Variants in KLHDC4 observed in about 807,000 individuals in gnomAD.
KLHDC4 encodes kelch domain containing 4, also known as kelch domain-containing protein 4.
Under a neutral mutation model 62.4 loss-of-function variants are expected in KLHDC4, and 90 were observed. That is an observed-to-expected ratio of 1.44 (90% CI 1.22 to 1.72). KLHDC4 has a LOEUF of 1.72. Ranked by LOEUF, KLHDC4 falls within the 40% of genes most tolerant of loss-of-function variation. KLHDC4 has a pLI of 0.00. For synonymous variants in KLHDC4, 386 were observed against 284.4 expected (o/e 1.36, Z -3.59); for missense variants, 1,025 against 699.7 (o/e 1.47, Z -5.25).
exon 1 of KLHDC4, chr16:87,700,800 G>A: frequency 4.9e-6 from 1 of 204,940 alleles, no homozygotes; most frequent in Non-Finnish European, 9.3e-6. Context: ...GGAGGGCAGA[G>A]GGGAGGAGGT....
chr16:87,743,793 G>A (rs949860102), intron 5 of KLHDC4, among the ~76,000 whole-genome samples: 1 of 151,870 alleles, frequency 6.6e-6, no homozygotes, highest in African/African-American at 2.4e-5. Flanking sequence ...AACTTCCCAG[G>A]GTGTTTAGAG....
chr16:87,707,045 G>C (rs1332846197), downstream of KLHDC4, among the ~76,000 whole-genome samples: 1 of 152,320 alleles, frequency 6.6e-6, no homozygotes. Context: ...CCCCGTTATA[G>C]AAAACTAAGG....
chr16:87,747,553 G>A (rs1262239494), intron 5 of KLHDC4: 2 of 152,212 alleles, frequency 1.3e-5, no homozygotes, highest in Non-Finnish European at 2.9e-5. Context: ...TGGGAACACA[G>A]TAACCCACCC....
chr16:87,730,494 A>T (rs1032022077), intron 6 of KLHDC4, 58 bp downstream of exon 6: 1 of 1,371,354 alleles, frequency 7.3e-7, no homozygotes, highest in Admixed American at 2.2e-5. Context: ...CTCTTTCTAT[A>T]AAAAGCCCAC....
chr16:87,764,603 G>T (rs1006249658), intron 1 of KLHDC4, among the ~76,000 whole-genome samples: 1 of 124,228 alleles, frequency 8.0e-6, no homozygotes, highest in Non-Finnish European at 1.6e-5. Flanking sequence ...AGCTGAGATC[G>T]CACCATTGCA....
chr16:87,718,230 C>A (rs1198439379), intron 7 of KLHDC4, among the ~76,000 whole-genome samples: 2 of 152,082 alleles, frequency 1.3e-5, no homozygotes, highest in Non-Finnish European at 2.9e-5. Flanking sequence ...TATTAGCATA[C>A]ACCAAACCAG....
exon 1 of KLHDC4, chr16:87,701,170 A>C: frequency 4.7e-6 from 1 of 212,418 alleles, no homozygotes. Context: ...AAAGGGACAG[A>C]ACAAGGGTCC....
chr16:87,749,790 G>C (rs1428042866), intron 4 of KLHDC4, among the ~76,000 whole-genome samples: 2 of 152,060 alleles, frequency 1.3e-5, no homozygotes, highest in African/African-American at 4.8e-5. Flanking sequence ...TGTCCAGGCT[G>C]GTCTCAAACT....
chr16:87,760,916 C>A (rs1165268507), intron 2 of KLHDC4, among the ~76,000 whole-genome samples: 4 of 151,892 alleles, frequency 2.6e-5, no homozygotes, highest in Non-Finnish European at 5.9e-5. Flanking sequence ...GCCTGTAATC[C>A]CAGCTACTTG....
chr16:87,755,154 G>A (rs757408087), intron 4 of KLHDC4, 40 bp downstream of exon 4: 5 of 1,366,372 alleles, frequency 3.7e-6, no homozygotes, highest in Non-Finnish European at 5.2e-6. Context: ...ACTCCCACGT[G>A]GGAAGAGGGA....
chr16:87,713,539 T>C (rs904172586), intron 8 of KLHDC4, among the ~76,000 whole-genome samples: 6 of 152,064 alleles, frequency 3.9e-5, no homozygotes, highest in Admixed American at 1.3e-4. Context: ...AAATTAATGA[T>C]TGAAAAGTAG....
intron 5 of KLHDC4, among the ~76,000 whole-genome samples, chr16:87,739,389 C>G (rs2041892077): frequency 7.2e-6 from 1 of 138,350 alleles, no homozygotes; most frequent in African/African-American, 2.7e-5. Flanking sequence ...CGTCATCCAT[C>G]CACACACCAG....
chr16:87,758,625 A>T (rs1024148030), intron 2 of KLHDC4, among the ~76,000 whole-genome samples: 4 of 152,146 alleles, frequency 2.6e-5, no homozygotes. Context: ...ATGGAAGAAG[A>T]ATTGTCTCGG....
In KLHDC4 at chr16:87,765,856, CG is replaced by C. The variant is rs1321937769; in HGVS notation, c.34del (p.Arg12AlafsTer29). 1 of 1,553,466 alleles carries C rather than the reference CG, an allele frequency of 6.4e-7. No individual in the cohort carries two copies. The highest frequency in any genetic ancestry group is 1.4e-5 in the African/African-American group (1 of 73,306). ...GKKGKKEKKG[R>X]GAEKTAAKME... ...CTTGGCGGCCGTCTTCTCCGCGCCG[CG>C]GCCCTTCTTCTCCTTCTTGCCCTTC... On this transcript the variant is annotated frameshift_variant, in exon 1 of 12. Transcript: ENST00000270583. LOFTEE classifies it high-confidence loss of function.
intron 6 of KLHDC4, 53 bp downstream of exon 6, chr16:87,730,499 G>A: frequency 2.2e-6 from 3 of 1,378,140 alleles, no homozygotes; most frequent in African/African-American, 1.5e-5. Flanking sequence ...TCTATAAAAA[G>A]CCCACTCCTT....
At chr16:87,729,590 A>G (rs2039978118) in intron 6 of KLHDC4, among the ~76,000 whole-genome samples, 1 of 152,252 alleles carries the variant, frequency 6.6e-6, no homozygotes, top group African/African-American at 2.4e-5. Context: ...AAGCTCAAGA[A>G]GATAACGTGA....
intron 7 of KLHDC4, among the ~76,000 whole-genome samples, chr16:87,718,473 G>C (rs536943477): frequency 1.2e-3 from 182 of 151,288 alleles, no homozygotes; most frequent in African/African-American, 4.2e-3. Context: ...CTCCCTGCCT[G>C]ATTCTCCTGC....
chr16:87,724,508 C>G (rs988511466), intron 7 of KLHDC4, among the ~76,000 whole-genome samples: 17 of 152,282 alleles, frequency 1.1e-4, no homozygotes, highest in African/African-American at 4.1e-4. Flanking sequence ...CTGCAACTCA[C>G]TAACAAAAAC....
chr16:87,749,468 C>T (rs1006896042), intron 4 of KLHDC4, among the ~76,000 whole-genome samples: 1 of 149,832 alleles, frequency 6.7e-6, no homozygotes. Context: ...GCAGAAGAAT[C>T]GCTTGAACCT....
Sources: allele counts gnomAD v4.1 joint callset (sites outside exome capture counted in the v4.1 genomes callset), GRCh38; gene constraint gnomAD v4.1.1; transcripts MANE v1.5; gene names NCBI Gene and HGNC (gene_info 2026-07-23, HGNC 2026-07-21).